Variants in TYW1 observed in about 807,000 individuals in gnomAD.
TYW1 encodes S-adenosyl-L-methionine-dependent tRNA 4-demethylwyosine synthase TYW1.
In TYW1, 46 loss-of-function variants were observed where a neutral mutation model predicts 96.2. The ratio of observed to expected loss-of-function variants is 0.48; its 90% confidence interval spans 0.38 to 0.61. TYW1 has a LOEUF of 0.61. Ranked by LOEUF, TYW1 falls within the 20% of genes least tolerant of loss-of-function variation. The pLI is 0.00. For synonymous variants in TYW1, 274 were observed against 323.0 expected (o/e 0.85, Z 1.63); for missense variants, 684 against 909.6 (o/e 0.75, Z 3.19).
At position 67,177,882 on chromosome 7, in the gene TYW1, G is replaced by A. The variant is rs1023803445; in HGVS notation, c.1699-5244G>A. Among the ~76,000 whole-genome samples the A allele has an allele frequency of 6.0e-5, 9 of 150,774 alleles. No homozygotes were observed. In the East Asian group the frequency reaches 9.7e-4, roughly 16 times the overall value. ...TCAAGAGACAAGTACAGCTGGGCAC[G>A]TTGGCTCATGCCTGTAATCCTAGCA... On this transcript the variant is annotated intron_variant, in intron 13 of 15. Coordinates refer to ENST00000359626, the MANE Select transcript of TYW1 (RefSeq NM_018264.4).
chr7:67,010,431 G>GCT (rs1048325283), intron 4 of TYW1, among the ~76,000 whole-genome samples: 2 of 151,628 alleles, frequency 1.3e-5, no homozygotes, highest in Admixed American at 1.3e-4. Flanking sequence ...TCCTAAAGTA[G>GCT]CTGAGACTAC....
chr7:67,168,150 A>T (rs1294976437), intron 13 of TYW1, among the ~76,000 whole-genome samples: 3 of 136,690 alleles, frequency 2.2e-5, no homozygotes, highest in Admixed American at 7.2e-5. Flanking sequence ...GGTTTTTATC[A>T]TATCATTTTT....
chr7:67,012,885 G>A (rs1308844252), intron 4 of TYW1, among the ~76,000 whole-genome samples: 1 of 150,932 alleles, frequency 6.6e-6, no homozygotes, highest in Non-Finnish European at 1.5e-5. Context: ...TTATGTATAT[G>A]CAGATTTAAA....
chr7:67,003,271 G>C (rs1032595050), intron 3 of TYW1, among the ~76,000 whole-genome samples: 1 of 152,074 alleles, frequency 6.6e-6, no homozygotes, highest in Non-Finnish European at 1.5e-5. Context: ...CCTTCCAATT[G>C]CTTGGTCCAA....
chr7:67,197,322 CTGTCTT>C (rs1174205700), intron 15 of TYW1, among the ~76,000 whole-genome samples: 1 of 135,814 alleles, frequency 7.4e-6, no homozygotes, highest in Non-Finnish European at 1.5e-5. Flanking sequence ...ATCGAGACCT[CTGTCTT>C]TTTTTTTTTT....
At chr7:67,018,250 A>C (rs1794097345) in intron 6 of TYW1, 107 bp downstream of exon 6, 4 of 1,436,352 alleles carry the variant, frequency 2.8e-6, no homozygotes, top group Non-Finnish European at 1.9e-6. Flanking sequence ...GGTTAGAAGG[A>C]AGATCTGGCT....
At chr7:67,221,393 G>GA (rs1336082247) in intron 15 of TYW1, among the ~76,000 whole-genome samples, 1 of 152,108 alleles carries the variant, frequency 6.6e-6, no homozygotes, top group African/African-American at 2.4e-5. Flanking sequence ...GGTTCAAAGC[G>GA]AATCTATTGT....
At chr7:67,033,696 C>G (rs12540298) in intron 7 of TYW1, among the ~76,000 whole-genome samples, 44,027 of 146,004 alleles carry the variant, frequency 0.3, 6,802 homozygotes, top group East Asian at 0.53. Flanking sequence ...ATCTGGGGGA[C>G]CCTTTTTTTT....
intron 12 of TYW1, among the ~76,000 whole-genome samples, chr7:67,110,283 A>G (rs1337544413): frequency 6.6e-6 from 1 of 152,168 alleles, no homozygotes; most frequent in African/African-American, 2.4e-5. Context: ...CCCCACTCAC[A>G]CGATCAGGGC....
At chr7:67,073,938 C>T (rs1288246901) in intron 10 of TYW1, among the ~76,000 whole-genome samples, 17 of 144,532 alleles carry the variant, frequency 1.2e-4, no homozygotes, top group Admixed American at 5.5e-4. Context: ...AAACATTAGC[C>T]GGGCGTGGTG....
At chr7:67,124,437 C>T (rs1228206691) in intron 13 of TYW1, among the ~76,000 whole-genome samples, 1 of 151,968 alleles carries the variant, frequency 6.6e-6, no homozygotes, top group East Asian at 1.9e-4. Flanking sequence ...TTGTTTGTTG[C>T]CCAGGCTGGT....
rs957029707 is a variant in TYW1 at position 67,089,583 on chromosome 7, T to C, written c.1384+6044T>C. Reference sequence around the variant, plus strand: ...GTCTGTCCTGGGTCTGGTTCAGTTGTGTGAAAGGTGGAACTGGCTGTGGGG... The same window carrying C: ...GTCTGTCCTGGGTCTGGTTCAGTTGCGTGAAAGGTGGAACTGGCTGTGGGG... On this transcript the variant is annotated intron_variant, in intron 11 of 15. Coordinates refer to ENST00000359626, the MANE Select transcript of TYW1 (RefSeq NM_018264.4). 5.5e-6 allele frequency: 3 copies of C among 541,360 alleles called. No individual in the cohort carries two copies. In the African/African-American group the frequency reaches 5.9e-5, roughly 11 times the overall value. 33.5% of individuals were successfully genotyped at this position (541,360 alleles called of 1,614,324 possible).
In TYW1 at chr7:67,080,940, GTTTTTTT is replaced by G. The variant is rs71049495; in HGVS notation, c.1275-2469_1275-2463del. 5.0e-3 allele frequency among the ~76,000 whole-genome samples: 187 copies of G among 37,234 alleles called. 1 individual carries two copies. The highest frequency in any genetic ancestry group is 6.1e-3 in the South Asian group (5 of 816). The allele number at this position is 37,234 out of a possible 152,430, so 24.4% of individuals were successfully genotyped here. A position where few individuals can be genotyped will look rare whatever the true frequency, so the allele number is the denominator to read the frequency against. On this transcript the variant is annotated intron_variant, in intron 10 of 15. Transcript: ENST00000359626. ...TGTATATTGTTTTTGCTTTCTTACTGTTTTTTTTTTTTTTTTTTTTTTTTTTTGCAGT... is the reference window on the plus strand; with the variant it reads ...TGTATATTGTTTTTGCTTTCTTACTGTTTTTTTTTTTTTTTTTTTTGCAGT...
chr7:67,009,440 T>C (rs1419204048), intron 3 of TYW1, 143 bp from the exon 4 acceptor site: 5 of 684,062 alleles, frequency 7.3e-6, no homozygotes, highest in East Asian at 2.8e-5. Flanking sequence ...AGAGTGAGGA[T>C]AGAATTTGTG....
intron 14 of TYW1, among the ~76,000 whole-genome samples, chr7:67,189,596 C>T (rs1800147494): frequency 6.6e-6 from 1 of 152,134 alleles, no homozygotes; most frequent in South Asian, 2.1e-4. Context: ...TAGCCTAGGA[C>T]AGGTTATTCA....
chr7:67,108,800 CAT>C (rs1266394340), intron 12 of TYW1, among the ~76,000 whole-genome samples: 21 of 151,982 alleles, frequency 1.4e-4, no homozygotes, highest in African/African-American at 4.8e-4. Context: ...ACCAAATGGC[CAT>C]TTGCTGAACA....
chr7:67,002,334 A>G (rs1793426606), intron 3 of TYW1, among the ~76,000 whole-genome samples: 1 of 120,390 alleles, frequency 8.3e-6, no homozygotes, highest in African/African-American at 2.9e-5. Flanking sequence ...TGCCCAGCCC[A>G]TCTCAATATT....
chr7:67,094,469 T>A (rs1470554497), intron 11 of TYW1, among the ~76,000 whole-genome samples: 17 of 152,194 alleles, frequency 1.1e-4, no homozygotes. Flanking sequence ...CAGTGTGTAA[T>A]CCATGCCAAT....
chr7:67,197,917 T>C (rs1800452697), intron 15 of TYW1, among the ~76,000 whole-genome samples: 1 of 150,808 alleles, frequency 6.6e-6, no homozygotes, highest in African/African-American at 2.5e-5. Context: ...TCTCTTTTGC[T>C]CCCGTTCTCT....
Sources: gnomAD v4.1 joint callset for allele counts (sites outside exome capture counted in the v4.1 genomes callset) on GRCh38, gnomAD v4.1.1 for gene constraint, MANE v1.5 for transcripts, NCBI Gene and HGNC (gene_info 2026-07-23, HGNC 2026-07-21) for gene names.